Variants in LPP observed in about 807,000 individuals in gnomAD.
LPP encodes the protein lipoma-preferred partner.
LPP carries 38 observed loss-of-function variants against 60.4 expected under a neutral mutation model. The observed-to-expected ratio is 0.63, with a 90% CI of 0.49 to 0.83. The LOEUF (loss-of-function observed/expected upper bound fraction) is 0.83. LPP is among the 40% of genes least tolerant of loss of function. The probability of loss-of-function intolerance (pLI) is 0.00; values close to 1 mark genes in which losing one functional copy is unlikely to be tolerated. For missense variants in LPP, 902 were observed against 783.6 expected (o/e 1.15, Z -1.80); for synonymous variants, 328 against 290.8 (o/e 1.13, Z -1.30).
chr3:188,216,369 C>G (rs1032977458), intron 1 of LPP, among the ~76,000 whole-genome samples: 2 of 149,818 alleles, frequency 1.3e-5, no homozygotes, highest in Non-Finnish European at 3.0e-5. Flanking sequence ...TTCATGGGTT[C>G]AAGCCATTCT....
intron 7 of LPP, among the ~76,000 whole-genome samples, chr3:188,655,625 C>T (rs572777827): frequency 3.3e-4 from 50 of 152,272 alleles, no homozygotes; most frequent in African/African-American, 1.1e-3. Flanking sequence ...AAGCAGATCT[C>T]TGGGTTGAAT....
intron 8 of LPP, among the ~76,000 whole-genome samples, chr3:188,717,451 C>G (rs1330937460): frequency 6.6e-6 from 1 of 152,168 alleles, no homozygotes; most frequent in Non-Finnish European, 1.5e-5. Context: ...AGGTAGGCAG[C>G]TACCTTTAGT....
intron 1 of LPP, among the ~76,000 whole-genome samples, chr3:188,202,254 T>A (rs1444080824): frequency 6.6e-6 from 1 of 152,062 alleles, no homozygotes; most frequent in African/African-American, 2.4e-5. Flanking sequence ...GTTAGACTAG[T>A]GGGTACCTGA....
intron 9 of LPP, among the ~76,000 whole-genome samples, chr3:188,856,140 A>G (rs1480021892): frequency 2.0e-5 from 3 of 152,196 alleles, no homozygotes; most frequent in Non-Finnish European, 2.9e-5. Flanking sequence ...GCCAAGTATA[A>G]CTGCCGCAAA....
rs564054482 is a variant in LPP at position 188,758,398 on chromosome 3, T to C, written c.1241-1715T>C. Among the ~76,000 whole-genome samples the C allele has an allele frequency of 3.3e-5, 5 of 152,234 alleles. No homozygotes were observed. In the South Asian group the frequency reaches 1.0e-3, roughly 32 times the overall value. On this transcript the variant is annotated intron_variant, in intron 8 of 11. Coordinates refer to ENST00000617246, the MANE Select transcript of LPP (RefSeq NM_001375462.1). The stretch of plus-strand genomic sequence containing the variant: ...CTGGTCTTGAACTCCTGACCTCAGG[T>C]GATCCACCCACCTCGGCCTCCCAAA...
At chr3:188,813,128 C>T (rs575524875) in intron 9 of LPP, among the ~76,000 whole-genome samples, 1 of 152,214 alleles carries the variant, frequency 6.6e-6, no homozygotes, top group African/African-American at 2.4e-5. Flanking sequence ...GCTAGACAGA[C>T]ACATATAGAA....
Position 188,815,288 on chromosome 3 carries a change from T to G in LPP, c.1411-50912T>G, listed in dbSNP as rs547616460. Among the ~76,000 whole-genome samples the G allele has an allele frequency of 8.5e-5, 13 of 152,304 alleles. No homozygotes were observed. In the East Asian group the frequency reaches 2.3e-3, roughly 27 times the overall value. On this transcript the variant is annotated intron_variant, in intron 9 of 11. Transcript: ENST00000617246. ...CCACCTGGATAACTTTTCTGGCATT[T>G]CAATGAACACACCAATACAATACAA... is the stretch of plus-strand genomic sequence containing the variant.
chr3:188,267,901 G>T (rs113934474), intron 2 of LPP, among the ~76,000 whole-genome samples: 1 of 152,020 alleles, frequency 6.6e-6, no homozygotes, highest in Non-Finnish European at 1.5e-5. Flanking sequence ...CCAGCACTTC[G>T]TTCTTACACT....
intron 1 of LPP, among the ~76,000 whole-genome samples, chr3:188,173,284 T>C (rs1368965520): frequency 1.3e-5 from 2 of 152,172 alleles, no homozygotes; most frequent in African/African-American, 4.8e-5. Context: ...GCAGATCACC[T>C]GAGGTCAGGA....
chr3:188,213,368 G>A (rs901877542), intron 1 of LPP, among the ~76,000 whole-genome samples: 6 of 152,220 alleles, frequency 3.9e-5, no homozygotes, highest in Non-Finnish European at 8.8e-5. Flanking sequence ...CACAGTGTGA[G>A]ATAATGGGCA....
Position 188,495,083 on chromosome 3 carries a change from T to TATATATATATTTA in LPP, c.306+10379_306+10380insATATATATATTTA. On this transcript the variant is annotated intron_variant, in intron 5 of 11. Coordinates refer to ENST00000617246, the MANE Select transcript of LPP (RefSeq NM_001375462.1). ...AGGATTTTATATATATATATATATATTTTATTTATATTTTATTATATATTT... is the reference window on the plus strand; with the variant it reads ...AGGATTTTATATATATATATATATATATATATATATTTATTTATTTATATTTTATTATATATTT... 2.6e-5 allele frequency among the ~76,000 whole-genome samples: 2 copies of TATATATATATTTA among 77,786 alleles called. 1 individual carries two copies. Among genetic ancestry groups the TATATATATATTTA allele is most frequent in the East Asian group, 1.1e-3 (2 of 1,840 alleles). 51.0% of individuals were successfully genotyped at this position (77,786 alleles called of 152,430 possible).
At chr3:188,602,891 C>T (rs1185835680) in intron 6 of LPP, among the ~76,000 whole-genome samples, 1 of 151,842 alleles carries the variant, frequency 6.6e-6, no homozygotes. Flanking sequence ...CAGTGCACAA[C>T]TCTTCAATTG....
chr3:188,273,678 C>T (rs1173813343), intron 2 of LPP, among the ~76,000 whole-genome samples: 1 of 140,778 alleles, frequency 7.1e-6, no homozygotes, highest in African/African-American at 2.6e-5. Flanking sequence ...TTACTGCAAC[C>T]TCCACCTCCT....
At chr3:188,555,883 G>A (rs112424479) in intron 6 of LPP, among the ~76,000 whole-genome samples, 1,751 of 152,174 alleles carry the variant, frequency 0.012, 34 homozygotes, top group African/African-American at 0.04. Context: ...TTTGAGCCTG[G>A]ATCATATCAC....
chr3:188,248,601 G>A (rs1315664779), intron 2 of LPP, among the ~76,000 whole-genome samples: 3 of 150,438 alleles, frequency 2.0e-5, no homozygotes, highest in Admixed American at 6.6e-5. Context: ...TTCAGTTGAT[G>A]TTTCTTGACC....
chr3:188,784,006 AT>A (rs2150917816), intron 9 of LPP, among the ~76,000 whole-genome samples: 1 of 151,962 alleles, frequency 6.6e-6, no homozygotes, highest in East Asian at 1.9e-4. Flanking sequence ...GATTTGTGAG[AT>A]TTTCGTGCAC....
rs781254226 is a variant in LPP at position 188,609,605 on chromosome 3, A to G, written c.874A>G (p.Asn292Asp). 3.7e-6 allele frequency: 6 copies of G among 1,614,164 alleles called. No individual in the cohort carries two copies. Among genetic ancestry groups the G allele is most frequent in the Non-Finnish European group, 5.1e-6 (6 of 1,180,028 alleles). The change falls in exon 7 of 12, where the codon AAC (asparagine) becomes GAC (aspartate). Residue 292 changes from asparagine to aspartate, a missense_variant. By Grantham distance (23) the Asn-to-Asp change is conservative. Transcript: ENST00000617246. The surrounding 1 kb of genome is among the most constrained non-coding windows in gnomAD (Gnocchi z 6.9). ...GGAGCCTGGGTATGGGTATGCCCCC[A>G]ACCAGGGACGCTATTATGAAGGCTA... ...QPEPGYGYAP[N>D]QGRYYEGYYA...
intron 9 of LPP, among the ~76,000 whole-genome samples, chr3:188,781,176 A>G (rs1043634285): frequency 1.3e-5 from 2 of 152,248 alleles, no homozygotes; most frequent in African/African-American, 4.8e-5. Flanking sequence ...AAATAAAATT[A>G]TATTTGGAAC....
intron 6 of LPP, among the ~76,000 whole-genome samples, chr3:188,550,577 CAAAAAAAAAAA>C (rs67052080): frequency 3.0e-5 from 2 of 66,918 alleles, no homozygotes; most frequent in Non-Finnish European, 5.2e-5. Context: ...GACTCCATCT[CAAAAAAAAAAA>C]AAAAAAAAAA....
Sources: gnomAD v4.1 joint callset for allele counts (sites outside exome capture counted in the v4.1 genomes callset) on GRCh38, gnomAD v4.1.1 for gene constraint, Gnocchi (gnomAD v3.1) non-coding constraint, MANE v1.5 for transcripts, NCBI Gene and HGNC (gene_info 2026-07-23, HGNC 2026-07-21) for gene names.